The following TRAK2 variants were observed in gnomAD, a reference collection of about 807,000 sequenced individuals.
TRAK2 encodes the protein trafficking kinesin protein 2.
Under a neutral mutation model 104.6 loss-of-function variants are expected in TRAK2, and 81 were observed. That is an observed-to-expected ratio of 0.77 (90% CI 0.65 to 0.93). The LOEUF (loss-of-function observed/expected upper bound fraction) is 0.93, where lower values mean the gene tolerates loss of function less well. TRAK2 is among the 40% of genes least tolerant of loss of function. The probability of loss-of-function intolerance (pLI) is 0.00; values close to 1 mark genes in which losing one functional copy is unlikely to be tolerated. For missense variants in TRAK2, 1,002 were observed against 1,089.0 expected, an observed-to-expected ratio of 0.92 and a Z score of 1.12; for synonymous variants, 406 against 394.4, an observed-to-expected ratio of 1.03 and a Z score of -0.35.
At chr2:201,431,379 G>A (rs1951841053) in intron 1 of TRAK2, among the ~76,000 whole-genome samples, 1 of 152,190 alleles carries the variant, frequency 6.6e-6, no homozygotes, top group South Asian at 2.1e-4. Context: ...CAAAAGCAAG[G>A]TGTTAGAAGA....
chr2:201,393,069 ACTTTATTGC>A (rs1226671220), intron 9 of TRAK2, 23 bp from the exon 10 acceptor site: 5 of 1,583,928 alleles, frequency 3.2e-6, no homozygotes, highest in East Asian at 2.2e-5. Context: ...ATGGTAGTGT[ACTTTATTGC>A]CTTCCCAAAA....
At chr2:201,440,639 G>A (rs1297167034) in intron 1 of TRAK2, among the ~76,000 whole-genome samples, 1 of 152,162 alleles carries the variant, frequency 6.6e-6, no homozygotes, top group Admixed American at 6.6e-5. Flanking sequence ...TAATTGCTAG[G>A]GGAAATATAA....
Position 201,384,097 on chromosome 2 carries a change from C to A in TRAK2, c.2069+14G>T. On this transcript the variant is annotated intron_variant, in intron 15 of 15. Transcript: ENST00000332624. ...GGAAAGAAGTGAGGCCCCAGATTTC[C>A]CAGGCACTCTTACCTGGGGGTAACC... The A allele has an allele frequency of 6.4e-7, 1 of 1,564,684 alleles. No individual in the cohort carries two copies. The highest frequency in any genetic ancestry group is 8.7e-7 in the Non-Finnish European group (1 of 1,146,132).
intron 1 of TRAK2, among the ~76,000 whole-genome samples, chr2:201,435,533 A>G (rs1027491277): frequency 2.0e-5 from 3 of 152,212 alleles, no homozygotes; most frequent in African/African-American, 7.2e-5. Context: ...CTTTCTTATA[A>G]CTTTTCAAGA....
intron 10 of TRAK2, among the ~76,000 whole-genome samples, chr2:201,390,991 A>G (rs1951443421): frequency 6.6e-6 from 1 of 152,006 alleles, no homozygotes; most frequent in Non-Finnish European, 1.5e-5. Flanking sequence ...ATATATACAC[A>G]TATATAGTAT....
chr2:201,441,767 C>G (rs899520392), intron 1 of TRAK2, among the ~76,000 whole-genome samples: 1 of 151,182 alleles, frequency 6.6e-6, no homozygotes, highest in Non-Finnish European at 1.5e-5. Context: ...TCTCAGCTCA[C>G]TGCAACCTCC....
At chr2:201,395,173 G>T in intron 8 of TRAK2, 141 bp downstream of exon 8, 1 of 673,938 alleles carries the variant, frequency 1.5e-6, no homozygotes, top group Non-Finnish European at 2.4e-6. Context: ...ACATAAAGAT[G>T]ATTAAAACAG....
At chr2:201,417,015 T>C (rs79422176) in intron 2 of TRAK2, among the ~76,000 whole-genome samples, 3,999 of 143,248 alleles carry the variant, frequency 0.028, 184 homozygotes, top group African/African-American at 0.097. Context: ...CTGGATTTTC[T>C]TTTTAGAAAA....
chr2:201,411,307 C>A (rs1011200829), intron 2 of TRAK2: 2 of 755,294 alleles, frequency 2.6e-6, no homozygotes, highest in African/African-American at 3.4e-5. Context: ...GTAAGTGATG[C>A]TCTTTTATGT....
In TRAK2 at chr2:201,412,269, C is replaced by T. The variant is rs113559023; in HGVS notation, c.92-4672G>A. ...GCAGTCCGTTGAAAAACTGTGATTTCTGAAGATTATCTCTTTGGAATAAGG... is the reference window on the plus strand; with the variant it reads ...GCAGTCCGTTGAAAAACTGTGATTTTTGAAGATTATCTCTTTGGAATAAGG... On this transcript the variant is annotated intron_variant, in intron 2 of 15. Coordinates refer to ENST00000332624, the MANE Select transcript of TRAK2 (RefSeq NM_015049.3). The T allele has an allele frequency of 6.5e-4, 719 of 1,110,298 alleles. 4 individuals carry two copies. In the African/African-American group the frequency reaches 8.6e-3, roughly 13 times the overall value. The allele number at this position is 1,110,298 out of a possible 1,614,324, so 68.8% of individuals were successfully genotyped here.
At chr2:201,427,119 G>A (rs532291076) in intron 1 of TRAK2, among the ~76,000 whole-genome samples, 85 of 152,142 alleles carry the variant, frequency 5.6e-4, no homozygotes, top group Middle Eastern at 6.8e-3. Context: ...ACTCAAATGC[G>A]CACTCCTGTC....
intron 1 of TRAK2, among the ~76,000 whole-genome samples, chr2:201,422,338 T>C (rs1235290210): frequency 1.3e-5 from 2 of 152,146 alleles, no homozygotes; most frequent in Non-Finnish European, 2.9e-5. Flanking sequence ...ATGTACTAAA[T>C]ATATGTGCAT....
intron 2 of TRAK2, chr2:201,411,543 T>A (rs1951647287): frequency 1.3e-6 from 1 of 752,050 alleles, no homozygotes; most frequent in South Asian, 1.3e-5. Flanking sequence ...ATTCAGCATC[T>A]CTTTTATGAT....
At chr2:201,409,939 C>T (rs1951629319) in intron 2 of TRAK2, among the ~76,000 whole-genome samples, 1 of 152,182 alleles carries the variant, frequency 6.6e-6, no homozygotes, top group African/African-American at 2.4e-5. Context: ...TTAAAAAATT[C>T]AGCTATTCAA....
chr2:201,422,110 T>G (rs142652431), intron 1 of TRAK2, among the ~76,000 whole-genome samples: 10 of 148,988 alleles, frequency 6.7e-5, no homozygotes, highest in Non-Finnish European at 1.5e-4. Context: ...TATTTGGCAA[T>G]GTCTACCAAA....
intron 3 of TRAK2, among the ~76,000 whole-genome samples, chr2:201,403,338 C>T (rs1011475050): frequency 6.6e-6 from 1 of 151,904 alleles, no homozygotes; most frequent in Non-Finnish European, 1.5e-5. Context: ...TTCAAGACCA[C>T]GAAGAAAGCT....
At chr2:201,433,823 G>C (rs746289363) in intron 1 of TRAK2, among the ~76,000 whole-genome samples, 6 of 152,174 alleles carry the variant, frequency 3.9e-5, no homozygotes, top group South Asian at 2.1e-4. Flanking sequence ...CTTCACCTTT[G>C]ACTGAACAGG....
intron 7 of TRAK2, among the ~76,000 whole-genome samples, chr2:201,396,292 TG>T (rs1951500894): frequency 6.6e-6 from 1 of 152,246 alleles, no homozygotes; most frequent in African/African-American, 2.4e-5. Context: ...GTTTTCATGG[TG>T]GAGGAGAAAA....
At chr2:201,389,212 A>G in intron 12 of TRAK2, 88 bp downstream of exon 12, 1 of 1,245,528 alleles carries the variant, frequency 8.0e-7, no homozygotes, top group South Asian at 1.2e-5. Context: ...TTCTTGGGAC[A>G]GTAGAGTAAT....
Sources: gnomAD v4.1 joint callset for allele counts (sites outside exome capture counted in the v4.1 genomes callset) on GRCh38, gnomAD v4.1.1 for gene constraint, MANE v1.5 for transcripts, NCBI Gene and HGNC (gene_info 2026-07-23, HGNC 2026-07-21) for gene names.